MMUT: variants seen among roughly 807,000 people sequenced by gnomAD.
MMUT encodes methylmalonyl-CoA mutase.
A neutral mutation model predicts 79.9 loss-of-function variants in MMUT; 79 were observed. The observed-to-expected ratio is 0.99, with a 90% CI of 0.82 to 1.19. The LOEUF is 1.19. Among genes scored for constraint, MMUT ranks in the 50% most tolerant of loss-of-function variants. MMUT has a pLI of 0.00. For missense variants in MMUT, 860 were observed against 917.2 expected, an observed-to-expected ratio of 0.94 and a Z score of 0.81; for synonymous variants, 273 against 295.7, an observed-to-expected ratio of 0.92 and a Z score of 0.79.
At chr6:49,450,772 C>T (rs1767532060) in intron 6 of MMUT, among the ~76,000 whole-genome samples, 1 of 152,018 alleles carries the variant, frequency 6.6e-6, no homozygotes, top group African/African-American at 2.4e-5. Flanking sequence ...TTCCAAATAA[C>T]CAAGAGATAG....
rs1767785302 is a variant in MMUT at position 49,459,484 on chromosome 6, C to T, written c.-18G>A. 7 of 1,606,590 alleles carry T rather than the reference C, an allele frequency of 4.4e-6. No individual in the cohort carries two copies. In the Admixed American group the frequency reaches 8.3e-5, roughly 19 times the overall value. On this transcript the variant is annotated 5_prime_UTR_variant, in exon 2 of 13. The change creates a new upstream start codon in the 5' untranslated region. Coordinates refer to ENST00000274813, the MANE Select transcript of MMUT (RefSeq NM_000255.4). ...CTTAACATGGTGGAGCATGGAAACACCCAATAGAAATAAGAACTGACCTAG... is the reference window on the plus strand; with the variant it reads ...CTTAACATGGTGGAGCATGGAAACATCCAATAGAAATAAGAACTGACCTAG...
chr6:49,442,731 A>G (rs1057298758), intron 9 of MMUT, among the ~76,000 whole-genome samples: 1 of 152,128 alleles, frequency 6.6e-6, no homozygotes. Flanking sequence ...AGGAAGCACT[A>G]AAAGCAAAGG....
intron 5 of MMUT, among the ~76,000 whole-genome samples, chr6:49,452,991 G>C (rs1288578819): frequency 6.7e-6 from 1 of 149,838 alleles, no homozygotes; most frequent in Non-Finnish European, 1.5e-5. Context: ...ACTAACTTAT[G>C]ACTTTTGCTT....
rs565376922 is a variant in MMUT at position 49,435,524 on chromosome 6, T to TGAG, written c.2053_2055dup (p.Leu685dup). 3.7e-6 allele frequency: 6 copies of TGAG among 1,614,026 alleles called. No homozygotes were observed. The highest frequency in any genetic ancestry group is 5.1e-6 in the Non-Finnish European group (6 of 1,180,014). On this transcript the variant is annotated inframe_insertion, in exon 12 of 13. Transcript: ENST00000274813. ...CGTCCAAGGGAGTTAAGTTCTTTGA[T>TGAG]GAGTTCAGGAACTAGGGTTTTATGA...
At chr6:49,443,708 G>C (rs1304891690) in intron 9 of MMUT, 1 of 370,940 alleles carries the variant, frequency 2.7e-6, no homozygotes, top group Non-Finnish European at 5.3e-6. Context: ...GCCATATTCT[G>C]TTCCAGGAAC....
chr6:49,440,949 C>T (rs1767257712), intron 10 of MMUT, among the ~76,000 whole-genome samples: 1 of 152,142 alleles, frequency 6.6e-6, no homozygotes, highest in Non-Finnish European at 1.5e-5. Context: ...TGAACTCTCC[C>T]AAGGTAACAG....
At chr6:49,440,401 A>C (rs986286327) in intron 10 of MMUT, 48 bp from the exon 11 acceptor site, 3 of 1,576,706 alleles carry the variant, frequency 1.9e-6, no homozygotes, top group Middle Eastern at 1.7e-4. Context: ...TAATTTTCCA[A>C]AGGGAAGATA....
At chr6:49,446,943 C>T (rs560696447) in intron 8 of MMUT, among the ~76,000 whole-genome samples, 1 of 151,870 alleles carries the variant, frequency 6.6e-6, no homozygotes, top group Non-Finnish European at 1.5e-5. Flanking sequence ...TATAAGCTCC[C>T]TACCTTGGAA....
In MMUT at chr6:49,441,935, C is replaced by A. The variant is rs932489418; in HGVS notation, c.1713G>T (p.Lys571Asn). Reference protein sequence around the residue: ...TVGEITDALKKVFGEHKANDR... With the variant: ...TVGEITDALKNVFGEHKANDR... ...CATTCGCTTTATGTTCACCAAATAC[C>A]TTTTTCAGGGCATCTGTGATTTCTC... The change falls in exon 10 of 13, where the codon AAG (lysine) becomes AAT (asparagine). Residue 571 changes from lysine to asparagine, a missense_variant. By Grantham distance (94) the Lys-to-Asn change is moderately conservative. Coordinates refer to ENST00000274813, the MANE Select transcript of MMUT (RefSeq NM_000255.4). 1 of 1,611,590 alleles carries A rather than the reference C, an allele frequency of 6.2e-7. No homozygotes were observed. The highest frequency in any genetic ancestry group is 8.5e-7 in the Non-Finnish European group (1 of 1,178,272).
chr6:49,436,369 G>A (rs1223278912), intron 11 of MMUT, among the ~76,000 whole-genome samples: 1 of 152,104 alleles, frequency 6.6e-6, no homozygotes, highest in Non-Finnish European at 1.5e-5. Flanking sequence ...ACTTTGGGAG[G>A]CAGAGGCGGG....
rs1767237059 is a variant in MMUT, at chr6:49,440,241, G to T, written c.1921C>A (p.Leu641Ile). 6.2e-7 allele frequency: 1 copy of T among 1,614,032 alleles called. No homozygotes were observed. Among genetic ancestry groups the T allele is most frequent in the Non-Finnish European group, 8.5e-7 (1 of 1,179,964 alleles). Residue 641 changes from leucine (L) to isoleucine (I), a missense_variant, in exon 11 of 13, where the codon CTT becomes ATT. Transcript: ENST00000274813. The stretch of plus-strand genomic sequence containing the variant: ...GGGCCTATGTCCACATCAAAACCAA[G>T]ATCAGCAAATCCTGTAGCAATAACT... Reference protein sequence around the residue: ...AKVIATGFADLGFDVDIGPLF... With the variant: ...AKVIATGFADIGFDVDIGPLF...
chr6:49,459,491 G>A lies in MMUT; in HGVS notation c.-25C>T. 1.2e-6 allele frequency: 2 copies of A among 1,604,880 alleles called. No individual in the cohort carries two copies. The highest frequency in any genetic ancestry group is 2.2e-5 in the South Asian group (2 of 90,864). On this transcript the variant is annotated 5_prime_UTR_variant, in exon 2 of 13. Transcript: ENST00000274813. ...TGGTGGAGCATGGAAACACCCAATA[G>A]AAATAAGAACTGACCTAGAAAAAGA...
rs140103962 is a variant in MMUT at position 49,438,004 on chromosome 6, T to C, written c.1956+2202A>G. Among the ~76,000 whole-genome samples, 576 of 152,258 alleles carry C rather than the reference T, an allele frequency of 3.8e-3. 5 individuals are homozygous for C. Among genetic ancestry groups the C allele is most frequent in the African/African-American group, 0.012 (508 of 41,552 alleles). ...GTATAAAGTTATAGTAATTTAGTTA[T>C]AGTAATTTTCATACTATGTACGAAA... is the stretch of plus-strand genomic sequence containing the variant. On this transcript the variant is annotated intron_variant, in intron 11 of 12. Coordinates refer to ENST00000274813, the MANE Select transcript of MMUT (RefSeq NM_000255.4).
At position 49,451,654 on chromosome 6, in the gene MMUT, T is replaced by C. The variant is rs1471923240; in HGVS notation, c.1144A>G (p.Thr382Ala). Residue 382 changes from threonine to alanine, a missense_variant, in exon 6 of 13, where the codon ACT (threonine) becomes GCT (alanine). By Grantham distance (58) the Thr-to-Ala change is moderately conservative (BLOSUM62 0). Coordinates refer to ENST00000274813, the MANE Select transcript of MMUT (RefSeq NM_000255.4). ...IEAMAAVFGG[T>A]QSLHTNSFDE... ...AAAGAATTTGTGTGCAAAGACTGAG[T>C]CCCTCCAAATACTGCTGCCATTGCT... The C allele has an allele frequency of 1.2e-6, 2 of 1,614,002 alleles. No homozygotes were observed. Among genetic ancestry groups the C allele is most frequent in the Admixed American group, 3.3e-5 (2 of 60,006 alleles).
rs780214259 is a variant in MMUT, at chr6:49,459,271, C to T, written c.196G>A (p.Gly66Arg). Reference sequence around the variant, plus strand: ...GAATACAAGGGTTTTATAGAGATCCCTTCCGGGGTGTGCCATATTAGGTCT... The same window carrying T: ...GAATACAAGGGTTTTATAGAGATCCTTTCCGGGGTGTGCCATATTAGGTCT... Reference protein sequence around the residue: ...PEDLIWHTPEGISIKPLYSKR... With the variant: ...PEDLIWHTPERISIKPLYSKR... Residue 66 changes from glycine to arginine, a missense_variant, in exon 2 of 13, where the codon GGG (glycine) becomes AGG (arginine). Coordinates refer to ENST00000274813, the MANE Select transcript of MMUT (RefSeq NM_000255.4). 1 of 1,614,116 alleles carries T rather than the reference C, an allele frequency of 6.2e-7. No homozygotes were observed. Among genetic ancestry groups the T allele is most frequent in the East Asian group, 2.2e-5 (1 of 44,858 alleles).
In MMUT at chr6:49,440,273, C is replaced by T. The variant is rs143023066; in HGVS notation, c.1889G>A (p.Gly630Glu). ...AAATCCTGTAGCAATAACTTTTGCT[C>T]CTCTGTCATGGCCATCTTGTCCCAT... ...AKMGQDGHDRGAKVIATGFAD... is the reference protein window; with the variant it reads ...AKMGQDGHDREAKVIATGFAD... Residue 630 changes from glycine to glutamate, a missense_variant, in exon 11 of 13, where the codon GGA (glycine) becomes GAA (glutamate). Transcript: ENST00000274813. 3.7e-5 allele frequency: 59 copies of T among 1,613,946 alleles called. No homozygotes were observed. The highest frequency in any genetic ancestry group is 4.7e-5 in the Non-Finnish European group (55 of 1,179,982).
At chr6:49,450,067 T>C (rs1767510744) in intron 6 of MMUT, among the ~76,000 whole-genome samples, 1 of 151,446 alleles carries the variant, frequency 6.6e-6, no homozygotes. Context: ...CCCGTCTCCA[T>C]TAAAAATACA....
chr6:49,445,356 A>G (rs1469194605), intron 8 of MMUT, among the ~76,000 whole-genome samples: 4 of 152,098 alleles, frequency 2.6e-5, no homozygotes, highest in Admixed American at 1.3e-4. Context: ...ATAAAGTTGC[A>G]TAAATCCATT....
At chr6:49,435,307 T>C in intron 12 of MMUT, 149 bp downstream of exon 12, 3 of 801,514 alleles carry the variant, frequency 3.7e-6, no homozygotes, top group South Asian at 1.6e-5. Flanking sequence ...AACAACACTG[T>C]CCACTTTTAG....
Sources: gnomAD v4.1 joint callset for allele counts (sites outside exome capture counted in the v4.1 genomes callset) on GRCh38, gnomAD v4.1.1 for gene constraint, MANE v1.5 for transcripts, NCBI Gene and HGNC (gene_info 2026-07-23, HGNC 2026-07-21) for gene names.